LRP1B: variants seen among roughly 807,000 people sequenced by gnomAD.
The protein encoded by LRP1B is low-density lipoprotein receptor-related protein 1B.
LRP1B carries 217 observed loss-of-function variants against 556.6 expected under a neutral mutation model. The observed-to-expected ratio is 0.39, with a 90% CI of 0.35 to 0.44. The LOEUF (loss-of-function observed/expected upper bound fraction) is 0.44. Among genes scored for constraint, LRP1B ranks in the 20% least tolerant of loss-of-function variants. LRP1B has a pLI of 1.00. For synonymous variants in LRP1B, 2,047 were observed against 1,865.8 expected (o/e 1.10, Z -2.50); for missense variants, 5,053 against 5,620.8 (o/e 0.90, Z 3.23).
rs746731480 is a variant in LRP1B, at chr2:141,015,765, G to A, written c.2121C>T (p.Asn707=). 6.2e-7 allele frequency: 1 copy of A among 1,613,286 alleles called. No individual in the cohort carries two copies. The highest frequency in any genetic ancestry group is 1.1e-5 in the South Asian group (1 of 91,076). ...PNGLTLDFHT[N]TLYWCDAYYD... ...AATAGGCATCACACCAGTATAATGT[G>A]TTGGTGTGAAAGTCCAGAGTTAAAC... is the stretch of plus-strand genomic sequence containing the variant. Residue 707 remains asparagine (N), a synonymous_variant, in exon 13 of 91, where the codon AAC becomes AAT. Coordinates refer to ENST00000389484, the MANE Select transcript of LRP1B (RefSeq NM_018557.3).
chr2:141,060,102 A>G (rs1699295436), intron 8 of LRP1B, among the ~76,000 whole-genome samples: 1 of 151,854 alleles, frequency 6.6e-6, no homozygotes, highest in Non-Finnish European at 1.5e-5. Context: ...TTCTATTTTA[A>G]CCAGAAAATC....
intron 82 of LRP1B, among the ~76,000 whole-genome samples, chr2:140,320,439 G>T (rs1680047386): frequency 6.6e-6 from 1 of 152,162 alleles, no homozygotes; most frequent in Non-Finnish European, 1.5e-5. Context: ...AGGTGGAGAT[G>T]CTGACTGTGA....
intron 4 of LRP1B, among the ~76,000 whole-genome samples, chr2:141,251,725 C>T (rs959264223): frequency 6.6e-6 from 1 of 151,824 alleles, no homozygotes; most frequent in Non-Finnish European, 1.5e-5. Context: ...GGTGGATATA[C>T]AAGTAAATAG....
chr2:141,464,904 G>C (rs1171213189), intron 3 of LRP1B, among the ~76,000 whole-genome samples: 1 of 151,400 alleles, frequency 6.6e-6, no homozygotes, highest in Non-Finnish European at 1.5e-5. Flanking sequence ...AAATTAAAAG[G>C]AAAACTAAAA....
chr2:141,143,077 T>C (rs1701696167), intron 7 of LRP1B, among the ~76,000 whole-genome samples: 1 of 151,910 alleles, frequency 6.6e-6, no homozygotes, highest in South Asian at 2.1e-4. Context: ...TACAGGCGCG[T>C]GCTACCACGC....
intron 1 of LRP1B, among the ~76,000 whole-genome samples, chr2:142,123,664 T>G (rs1169604259): frequency 6.6e-6 from 1 of 151,836 alleles, no homozygotes; most frequent in Non-Finnish European, 1.5e-5. Flanking sequence ...AGTTTTTTTT[T>G]TTTTTTGGTT....
intron 1 of LRP1B, among the ~76,000 whole-genome samples, chr2:142,119,793 A>C (rs904042556): frequency 3.3e-5 from 5 of 152,064 alleles, no homozygotes; most frequent in Non-Finnish European, 7.4e-5. Context: ...CAAGGACTAA[A>C]TAGACCCCAA....
chr2:141,275,541 T>C (rs1206682060), intron 3 of LRP1B, among the ~76,000 whole-genome samples: 2 of 152,052 alleles, frequency 1.3e-5, no homozygotes, highest in African/African-American at 4.8e-5. Context: ...AAACCCCATC[T>C]GTACAAAAAA....
intron 43 of LRP1B, among the ~76,000 whole-genome samples, chr2:140,549,622 G>A (rs943155497): frequency 6.6e-6 from 1 of 152,208 alleles, no homozygotes; most frequent in Non-Finnish European, 1.5e-5. Context: ...TACTGTCACT[G>A]TTTATGTTTT....
intron 2 of LRP1B, among the ~76,000 whole-genome samples, chr2:141,622,684 C>G (rs1688545328): frequency 6.6e-6 from 1 of 152,202 alleles, no homozygotes; most frequent in Non-Finnish European, 1.5e-5. Context: ...TTCATTGTCT[C>G]TGCAAATAAT....
chr2:140,651,047 T>C (rs1438906214), intron 41 of LRP1B, among the ~76,000 whole-genome samples: 1 of 152,054 alleles, frequency 6.6e-6, no homozygotes, highest in Admixed American at 6.6e-5. Context: ...CTTAAGTACA[T>C]GTACAAGTAT....
At chr2:140,235,215 C>T (rs1219875279) in intron 89 of LRP1B, among the ~76,000 whole-genome samples, 1 of 151,142 alleles carries the variant, frequency 6.6e-6, no homozygotes, top group Non-Finnish European at 1.5e-5. Context: ...CTTTTAAACT[C>T]TTCAAACTGT....
chr2:141,257,134 A>G (rs1684496295), intron 3 of LRP1B, among the ~76,000 whole-genome samples: 1 of 152,134 alleles, frequency 6.6e-6, no homozygotes, highest in South Asian at 2.1e-4. Context: ...GAAGCCTGTA[A>G]AGTGCACTAG....
chr2:140,885,548 A>G (rs1286021981), intron 24 of LRP1B, among the ~76,000 whole-genome samples: 1 of 151,774 alleles, frequency 6.6e-6, no homozygotes, highest in Non-Finnish European at 1.5e-5. Flanking sequence ...ATGGGGTTTC[A>G]TCATATGGGC....
At chr2:142,037,008 C>T (rs1432395485) in intron 1 of LRP1B, among the ~76,000 whole-genome samples, 2 of 151,568 alleles carry the variant, frequency 1.3e-5, no homozygotes, top group Non-Finnish European at 3.0e-5. Flanking sequence ...GATGTTGGGT[C>T]ACACAGAGGA....
At chr2:141,482,888 T>C (rs1334724396) in intron 2 of LRP1B, among the ~76,000 whole-genome samples, 1 of 152,152 alleles carries the variant, frequency 6.6e-6, no homozygotes, top group African/African-American at 2.4e-5. Flanking sequence ...AGAAATGTTA[T>C]AGTCAGAAAA....
intron 11 of LRP1B, among the ~76,000 whole-genome samples, chr2:141,031,921 AC>A (rs1326101101): frequency 6.6e-6 from 1 of 151,578 alleles, no homozygotes; most frequent in Non-Finnish European, 1.5e-5. Flanking sequence ...AACTAGATGC[AC>A]CAAAAAAAAA....
intron 1 of LRP1B, among the ~76,000 whole-genome samples, chr2:141,880,342 G>A (rs867778358): frequency 6.6e-6 from 1 of 151,758 alleles, no homozygotes; most frequent in African/African-American, 2.4e-5. Context: ...AGCTTTAATG[G>A]CAAAAATCAC....
chr2:140,378,330 G>A (rs1683326088), intron 67 of LRP1B, 44 bp from the exon 68 acceptor site: 1 of 1,055,398 alleles, frequency 9.5e-7, no homozygotes, highest in African/African-American at 1.6e-5. Context: ...TTATATGTAA[G>A]TGCATTGTAA....
Sources: gnomAD v4.1 joint callset for allele counts (sites outside exome capture counted in the v4.1 genomes callset) on GRCh38, gnomAD v4.1.1 for gene constraint, MANE v1.5 for transcripts, NCBI Gene and HGNC (gene_info 2026-07-23, HGNC 2026-07-21) for gene names.